The following MTPN variants were observed in gnomAD, a reference collection of about 807,000 sequenced individuals.
MTPN encodes granule cell differentiation protein.
MTPN carries 2 observed loss-of-function variants against 13.5 expected under a neutral mutation model. That is an observed-to-expected ratio of 0.15 (90% CI 0.06 to 0.47). The LOEUF (loss-of-function observed/expected upper bound fraction) is 0.47. Among genes scored for constraint, MTPN ranks in the 20% least tolerant of loss-of-function variants. The pLI, the probability that MTPN is intolerant of heterozygous loss-of-function variation, is 0.97. For missense variants in MTPN, 79 were observed against 137.9 expected (o/e 0.57, Z 2.14); for synonymous variants, 46 against 51.7 (o/e 0.89, Z 0.48).
intron 3 of MTPN, among the ~76,000 whole-genome samples, chr7:135,938,131 T>C (rs1799145996): frequency 1.3e-5 from 2 of 152,232 alleles, no homozygotes; most frequent in Non-Finnish European, 2.9e-5. Flanking sequence ...ATTTATATTA[T>C]TTGTAATTAT....
chr7:135,942,189 G>A (rs1799225275), intron 3 of MTPN, among the ~76,000 whole-genome samples: 1 of 151,898 alleles, frequency 6.6e-6, no homozygotes, highest in African/African-American at 2.4e-5. Flanking sequence ...GTGCCCGGCC[G>A]CTGTTATATT....
rs1390032644 is a variant in MTPN, at chr7:135,977,149, T to G, written c.-49A>C. The G allele has an allele frequency of 6.3e-7, 1 of 1,594,834 alleles. No individual in the cohort carries two copies. Among genetic ancestry groups the G allele is most frequent in the Non-Finnish European group, 8.6e-7 (1 of 1,163,500 alleles). ...GGCCGGGCAGAAGATGAGGAGGCGG[T>G]GGCAGCAGCAAGCGGATGCCGCCGG... On this transcript the variant is annotated 5_prime_UTR_variant, in exon 1 of 4. Transcript: ENST00000393085.
chr7:135,951,297 C>T (rs1216883604), intron 2 of MTPN, among the ~76,000 whole-genome samples: 1 of 152,158 alleles, frequency 6.6e-6, no homozygotes, highest in Admixed American at 6.6e-5. Context: ...AACATACTAA[C>T]CTTCAATTTT....
At chr7:135,972,609 T>C (rs1485385702) in intron 1 of MTPN, among the ~76,000 whole-genome samples, 1 of 152,130 alleles carries the variant, frequency 6.6e-6, no homozygotes, top group East Asian at 1.9e-4. Context: ...GACAGAAAGA[T>C]GAAAAAGAAT....
intron 3 of MTPN, among the ~76,000 whole-genome samples, chr7:135,947,910 C>T (rs1049057476): frequency 1.3e-4 from 20 of 152,082 alleles, no homozygotes; most frequent in African/African-American, 4.8e-4. Context: ...GATTTCTCCC[C>T]TATTAGTTGT....
intron 1 of MTPN, among the ~76,000 whole-genome samples, chr7:135,958,312 G>A (rs961806637): frequency 6.6e-6 from 1 of 152,148 alleles, no homozygotes; most frequent in African/African-American, 2.4e-5. Context: ...CTTGTGCATA[G>A]CAGTCTTATT....
chr7:135,964,648 T>C (rs1287221794), intron 1 of MTPN, among the ~76,000 whole-genome samples: 1 of 152,074 alleles, frequency 6.6e-6, no homozygotes, highest in African/African-American at 2.4e-5. Context: ...TCAAATTTAG[T>C]ATAGAAATTC....
chr7:135,960,711 C>T, intron 1 of MTPN: 1 of 151,702 alleles, frequency 6.6e-6, no homozygotes, highest in East Asian at 1.9e-4. Context: ...TAGTGTTTGC[C>T]TCGGCAGCAC....
rs778945321 is a variant in MTPN at position 135,929,913 on chromosome 7, G to GTCCA, written c.*9_*12dup. ...GAGAGTCATTCTTCCGGAGTTATCA[G>GTCCA]TCCATCCATCCATCACTGGAGAAGA... is the stretch of plus-strand genomic sequence containing the variant. On this transcript the variant is annotated 3_prime_UTR_variant, in exon 4 of 4. Transcript: ENST00000393085. 3.5e-5 allele frequency: 56 copies of GTCCA among 1,613,066 alleles called. No homozygotes were observed. Among genetic ancestry groups the GTCCA allele is most frequent in the Non-Finnish European group, 4.7e-5 (55 of 1,179,168 alleles).
Position 135,927,162 on chromosome 7 carries a change from C to G in MTPN, c.*2764G>C, listed in dbSNP as rs1254522754. 2 of 775,988 alleles carry G rather than the reference C, an allele frequency of 2.6e-6. No individual in the cohort carries two copies. The highest frequency in any genetic ancestry group is 3.6e-5 in the Admixed American group (1 of 28,062). 48.1% of individuals were successfully genotyped at this position (775,988 alleles called of 1,614,324 possible). Reference sequence around the variant, plus strand: ...GAAAAAAAAATCAAACAGATACATACAGATTTAAAATCCAGTACTTGGGAA... The same window carrying G: ...GAAAAAAAAATCAAACAGATACATAGAGATTTAAAATCCAGTACTTGGGAA... On this transcript the variant is annotated 3_prime_UTR_variant, in exon 4 of 4. Coordinates refer to ENST00000393085, the MANE Select transcript of MTPN (RefSeq NM_145808.4).
chr7:135,947,421 T>C (rs1303719945), intron 3 of MTPN, among the ~76,000 whole-genome samples: 1 of 152,112 alleles, frequency 6.6e-6, no homozygotes, highest in African/African-American at 2.4e-5. Context: ...ATTCTTCTGG[T>C]CCAAAGCAGA....
At chr7:135,933,816 A>C (rs1799068022) in intron 3 of MTPN, among the ~76,000 whole-genome samples, 1 of 152,116 alleles carries the variant, frequency 6.6e-6, no homozygotes, top group Non-Finnish European at 1.5e-5. Flanking sequence ...CCAATGTTGG[A>C]GGTGGGGCCT....
intron 1 of MTPN, among the ~76,000 whole-genome samples, chr7:135,964,319 A>C (rs192699350): frequency 2.0e-5 from 3 of 152,196 alleles, no homozygotes; most frequent in Admixed American, 2.0e-4. Context: ...CTTTTAACTA[A>C]ACCTACCAAA....
In MTPN at chr7:135,941,095, C is replaced by T. The variant is rs1799202253; in HGVS notation, c.270+9504G>A. ...GGCCCTTAACAGAAAATGTTTACTA[C>T]CTGGCCCTTAATAGAAAATGTTTGT... On this transcript the variant is annotated intron_variant, in intron 3 of 3. Coordinates refer to ENST00000393085, the MANE Select transcript of MTPN (RefSeq NM_145808.4). 3.9e-5 allele frequency among the ~76,000 whole-genome samples: 6 copies of T among 152,184 alleles called. No individual in the cohort carries two copies. The South Asian group carries it at 1.2e-3, about 31-fold the overall frequency.
At chr7:135,937,046 C>T (rs1267592716) in intron 3 of MTPN, among the ~76,000 whole-genome samples, 1 of 152,076 alleles carries the variant, frequency 6.6e-6, no homozygotes, top group Non-Finnish European at 1.5e-5. Context: ...ATATCTTTAC[C>T]TGCTTGTCAC....
Position 135,927,441 on chromosome 7 carries a change from C to A in MTPN, c.*2485G>T, listed in dbSNP as rs1005623944. 4 of 1,534,798 alleles carry A rather than the reference C, an allele frequency of 2.6e-6. No individual in the cohort carries two copies. In the African/African-American group the frequency reaches 5.5e-5, roughly 21 times the overall value. ...ACTTGATATAGTGCATATGAAATGA[C>A]TGATTTAATACAAAACTACAGAACA... is the stretch of plus-strand genomic sequence containing the variant. On this transcript the variant is annotated 3_prime_UTR_variant, in exon 4 of 4. Transcript: ENST00000393085.
At chr7:135,930,072 G>A in intron 3 of MTPN, 60 bp from the exon 4 acceptor site, 1 of 1,425,930 alleles carries the variant, frequency 7.0e-7, no homozygotes, top group Non-Finnish European at 9.8e-7. Flanking sequence ...GGGAATGTAA[G>A]ACTAGCTCAC....
At chr7:135,970,745 C>T (rs1799681441) in intron 1 of MTPN, among the ~76,000 whole-genome samples, 2 of 152,014 alleles carry the variant, frequency 1.3e-5, no homozygotes, top group African/African-American at 4.8e-5. Flanking sequence ...AAAAAAAGAT[C>T]TTCCTCTATT....
chr7:135,955,370 A>C (rs866297481), intron 1 of MTPN, among the ~76,000 whole-genome samples: 8 of 152,208 alleles, frequency 5.3e-5, no homozygotes, highest in African/African-American at 1.9e-4. Flanking sequence ...AATACAACTG[A>C]TAAGCCTCTA....
Sources: gnomAD v4.1 joint callset for allele counts (sites outside exome capture counted in the v4.1 genomes callset) on GRCh38, gnomAD v4.1.1 for gene constraint, MANE v1.5 for transcripts, NCBI Gene and HGNC (gene_info 2026-07-23, HGNC 2026-07-21) for gene names.